EPHB1: variants seen among roughly 807,000 people sequenced by gnomAD.
EPHB1 encodes EPH receptor B1, also known as ephrin type-B receptor 1.
A neutral mutation model predicts 94.4 loss-of-function variants in EPHB1; 30 were observed. That is an observed-to-expected ratio of 0.32 (90% CI 0.24 to 0.43). EPHB1 has a LOEUF of 0.43. EPHB1 is among the 20% of genes least tolerant of loss of function. The pLI, the probability that EPHB1 is intolerant of heterozygous loss-of-function variation, is 1.00. For missense variants in EPHB1, 1,055 were observed against 1,308.3 expected (o/e 0.81, Z 2.99); for synonymous variants, 522 against 489.1 (o/e 1.07, Z -0.89).
chr3:135,020,737 T>C (rs1009042221), intron 3 of EPHB1, among the ~76,000 whole-genome samples: 3 of 152,242 alleles, frequency 2.0e-5, no homozygotes, highest in Non-Finnish European at 2.9e-5. Flanking sequence ...TTTACAACTA[T>C]ATTTTCTGCT....
intron 3 of EPHB1, among the ~76,000 whole-genome samples, chr3:135,023,360 T>C (rs1367066009): frequency 6.6e-6 from 1 of 152,210 alleles, no homozygotes; most frequent in Non-Finnish European, 1.5e-5. Flanking sequence ...TAATTCTTTG[T>C]TGTGGGGAGC....
chr3:134,898,973 G>C (rs1326376048), intron 1 of EPHB1, among the ~76,000 whole-genome samples: 2 of 152,210 alleles, frequency 1.3e-5, no homozygotes, highest in South Asian at 4.1e-4. Context: ...GGGAGTGGGG[G>C]TGGAGGGCAC....
At position 134,833,881 on chromosome 3, in the gene EPHB1, G is replaced by A. The variant is rs147859381; in HGVS notation, c.58+38192G>A. 1.4e-3 allele frequency among the ~76,000 whole-genome samples: 214 copies of A among 152,354 alleles called. 2 individuals are homozygous for A. The highest frequency in any genetic ancestry group is 2.3e-3 in the Non-Finnish European group (156 of 68,026). On this transcript the variant is annotated intron_variant, in intron 1 of 15. Transcript: ENST00000398015. ...TGGAGCACCATGTGCTGTTAGGGGC[G>A]TGGGCTGAGTTGAGTATAGAGGAAT... is the stretch of plus-strand genomic sequence containing the variant.
At chr3:134,977,729 C>T (rs1232142547) in intron 3 of EPHB1, among the ~76,000 whole-genome samples, 2 of 152,170 alleles carry the variant, frequency 1.3e-5, no homozygotes, top group African/African-American at 4.8e-5. Context: ...CTCCAGCCCC[C>T]TCCATCATTG....
intron 3 of EPHB1, among the ~76,000 whole-genome samples, chr3:135,085,063 T>G (rs1314120758): frequency 6.6e-6 from 1 of 152,046 alleles, no homozygotes; most frequent in Non-Finnish European, 1.5e-5. Flanking sequence ...GTATTCAGAG[T>G]CAGTATTCAG....
intron 12 of EPHB1, among the ~76,000 whole-genome samples, chr3:135,205,277 A>G (rs576984050): frequency 6.6e-5 from 10 of 152,056 alleles, no homozygotes; most frequent in African/African-American, 2.2e-4. Context: ...GTCCTTATCT[A>G]TTTTTCTATC....
At chr3:134,831,385 C>A (rs76198107) in intron 1 of EPHB1, among the ~76,000 whole-genome samples, 1 of 152,232 alleles carries the variant, frequency 6.6e-6, no homozygotes, top group Non-Finnish European at 1.5e-5. Context: ...GACTTAGGAA[C>A]CAGCAGATAC....
In EPHB1 at chr3:135,248,483, C is replaced by G. The variant is rs1340232082; in HGVS notation, c.2664C>G (p.Leu888=). 1.2e-6 allele frequency: 2 copies of G among 1,609,368 alleles called. No homozygotes were observed. The highest frequency in any genetic ancestry group is 3.3e-5 in the Admixed American group (2 of 59,734). Residue 888 remains leucine (L), a synonymous_variant, in exon 14 of 16, where the codon CTC becomes CTG. Coordinates refer to ENST00000398015, the MANE Select transcript of EPHB1 (RefSeq NM_004441.5). ...LDKMIRNPAS[L]KTVATITAVP... ...AGATGATCCGGAACCCGGCAAGTCT[C>G]AAGACTGTGGCAACCATCACCGCCG...
At chr3:135,224,817 T>C (rs1445190207) in intron 12 of EPHB1, among the ~76,000 whole-genome samples, 1 of 152,238 alleles carries the variant, frequency 6.6e-6, no homozygotes, top group Non-Finnish European at 1.5e-5. Flanking sequence ...TTTGTTCTGC[T>C]TAGAAACCCA....
chr3:135,007,579 G>A (rs1331255220), intron 3 of EPHB1, among the ~76,000 whole-genome samples: 1 of 152,112 alleles, frequency 6.6e-6, no homozygotes, highest in Non-Finnish European at 1.5e-5. Flanking sequence ...CCTTTTCTGG[G>A]ATGCAGACTC....
chr3:135,050,863 A>C (rs1317580116), intron 3 of EPHB1, among the ~76,000 whole-genome samples: 1 of 151,988 alleles, frequency 6.6e-6, no homozygotes, highest in Non-Finnish European at 1.5e-5. Flanking sequence ...AGATTGCAGT[A>C]CCATGCTTCC....
chr3:134,904,693 C>T (rs778677041), intron 1 of EPHB1, among the ~76,000 whole-genome samples: 13 of 152,166 alleles, frequency 8.5e-5, no homozygotes, highest in Admixed American at 2.0e-4. Context: ...TTGGAGATCA[C>T]GAGTATGGGA....
chr3:134,814,967 G>A (rs184246588), intron 1 of EPHB1, among the ~76,000 whole-genome samples: 1 of 152,174 alleles, frequency 6.6e-6, no homozygotes, highest in East Asian at 1.9e-4. Context: ...TGCCTGGATC[G>A]AGAGTCCCAG....
At chr3:135,178,688 G>C (rs1201419577) in intron 9 of EPHB1, among the ~76,000 whole-genome samples, 1 of 152,042 alleles carries the variant, frequency 6.6e-6, no homozygotes, top group African/African-American at 2.4e-5. Context: ...AACATGAAGA[G>C]GGGGGAGGTG....
At chr3:134,915,595 C>T (rs1037987485) in intron 1 of EPHB1, among the ~76,000 whole-genome samples, 10 of 152,104 alleles carry the variant, frequency 6.6e-5, no homozygotes, top group Non-Finnish European at 1.0e-4. Context: ...TTAAAGGCGG[C>T]GTGTCTGGAC....
At chr3:135,073,850 G>A (rs1021756184) in intron 3 of EPHB1, among the ~76,000 whole-genome samples, 3 of 151,858 alleles carry the variant, frequency 2.0e-5, no homozygotes, top group East Asian at 1.9e-4. Flanking sequence ...GAGTTTGCTC[G>A]TTGCATTCCA....
intron 1 of EPHB1, among the ~76,000 whole-genome samples, chr3:134,814,239 A>T (rs1284967515): frequency 2.0e-5 from 3 of 152,232 alleles, no homozygotes; most frequent in African/African-American, 7.2e-5. Context: ...AGATACCTGA[A>T]GATGGTTCAG....
At chr3:135,043,383 C>T (rs935048964) in intron 3 of EPHB1, among the ~76,000 whole-genome samples, 4 of 152,116 alleles carry the variant, frequency 2.6e-5, no homozygotes, top group South Asian at 2.1e-4. Flanking sequence ...GCTTAATCAA[C>T]GCTGGAATTG....
chr3:135,236,436 G>T (rs556282488), intron 12 of EPHB1, among the ~76,000 whole-genome samples: 1 of 152,096 alleles, frequency 6.6e-6, no homozygotes, highest in African/African-American at 2.4e-5. Context: ...ACATTCACAG[G>T]TCTCACAGTT....
Sources: allele counts gnomAD v4.1 joint callset (sites outside exome capture counted in the v4.1 genomes callset), GRCh38; gene constraint gnomAD v4.1.1; transcripts MANE v1.5; gene names NCBI Gene and HGNC (gene_info 2026-07-23, HGNC 2026-07-21).